SEPTIN11: variants seen among roughly 807,000 people sequenced by gnomAD.
SEPTIN11 encodes septin 11.
SEPTIN11 carries 25 observed loss-of-function variants against 51.4 expected under a neutral mutation model. The ratio of observed to expected loss-of-function variants is 0.49; its 90% CI spans 0.35 to 0.68. SEPTIN11 has a LOEUF of 0.68. Among genes scored for constraint, SEPTIN11 ranks in the 30% least tolerant of loss-of-function variants. The probability of loss-of-function intolerance (pLI) is 0.00; values close to 1 mark genes in which losing one functional copy is unlikely to be tolerated. For missense variants in SEPTIN11, 381 were observed against 520.8 expected (o/e 0.73, Z 2.61); for synonymous variants, 174 against 184.1 (o/e 0.95, Z 0.44).
chr4:76,986,512 C>T, intron 1 of SEPTIN11, among the ~76,000 whole-genome samples: 1 of 152,188 alleles, frequency 6.6e-6, no homozygotes, highest in East Asian at 1.9e-4. Flanking sequence ...TAATTCTTTA[C>T]AACAGCCCTG....
intron 2 of SEPTIN11, among the ~76,000 whole-genome samples, chr4:77,002,778 G>T (rs1171363257): frequency 9.1e-4 from 134 of 147,546 alleles, no homozygotes; most frequent in Middle Eastern, 3.4e-3. Flanking sequence ...TTTTTTTTTT[G>T]TAAGACTATT....
chr4:77,029,594 CA>C (rs1726446751), intron 8 of SEPTIN11, among the ~76,000 whole-genome samples: 1 of 152,066 alleles, frequency 6.6e-6, no homozygotes, highest in African/African-American at 2.4e-5. Flanking sequence ...CTTCAAGAAC[CA>C]AGGGGATGCT....
intron 1 of SEPTIN11, among the ~76,000 whole-genome samples, chr4:76,988,299 A>G (rs776750900): frequency 2.6e-5 from 4 of 152,186 alleles, no homozygotes; most frequent in Non-Finnish European, 4.4e-5. Flanking sequence ...TTTGATTGAC[A>G]TCTGTGTGCC....
At chr4:76,963,599 C>T (rs746798214) in intron 1 of SEPTIN11, among the ~76,000 whole-genome samples, 24 of 152,290 alleles carry the variant, frequency 1.6e-4, no homozygotes, top group South Asian at 2.1e-4. Flanking sequence ...CCATCACAGT[C>T]GTCAAATATG....
intron 5 of SEPTIN11, among the ~76,000 whole-genome samples, chr4:77,018,114 A>G (rs1725424017): frequency 6.6e-6 from 1 of 152,250 alleles, no homozygotes; most frequent in Non-Finnish European, 1.5e-5. Context: ...GTTGCAAAAT[A>G]TAATTTCAAC....
rs1463851669 is a variant in SEPTIN11 at position 76,995,916 on chromosome 4, G to A, written c.28-509G>A. The A allele has an allele frequency of 3.9e-6, 6 of 1,535,670 alleles. No individual in the cohort carries two copies. The South Asian group carries it at 7.1e-5, about 18-fold the overall frequency. On this transcript the variant is annotated intron_variant, in intron 1 of 9. Coordinates refer to ENST00000264893, the MANE Select transcript of SEPTIN11 (RefSeq NM_018243.4). ...AGGAAACCAGCTCATGTGCTGAGAA[G>A]TTTTAAATATGCTGCATTTATGGTA...
chr4:76,989,522 A>G (rs920568042), intron 1 of SEPTIN11, among the ~76,000 whole-genome samples: 2 of 152,226 alleles, frequency 1.3e-5, no homozygotes, highest in African/African-American at 4.8e-5. Flanking sequence ...TTTTAAAAGT[A>G]AAGAAAAGGG....
At chr4:76,952,968 T>C (rs2109874524) in intron 1 of SEPTIN11, among the ~76,000 whole-genome samples, 1 of 152,348 alleles carries the variant, frequency 6.6e-6, no homozygotes, top group East Asian at 1.9e-4. Context: ...GCTGTGGTGT[T>C]CATCAGTTTA....
At chr4:77,016,727 G>A (rs190252901) in intron 5 of SEPTIN11, among the ~76,000 whole-genome samples, 1 of 143,468 alleles carries the variant, frequency 7.0e-6, no homozygotes, top group East Asian at 2.0e-4. Context: ...GAAGGCCGAG[G>A]AGGGAGGATC....
downstream of SEPTIN11, chr4:77,039,590 G>A: frequency 9.1e-6 from 9 of 985,176 alleles, no homozygotes; most frequent in Non-Finnish European, 1.1e-5. Context: ...CATAAGATCC[G>A]AGCAACATTT....
intron 1 of SEPTIN11, among the ~76,000 whole-genome samples, chr4:76,954,112 T>G (rs1164663172): frequency 6.6e-6 from 1 of 152,252 alleles, no homozygotes; most frequent in Non-Finnish European, 1.5e-5. Flanking sequence ...TGTGGGACTC[T>G]GCTGTTTCCT....
At chr4:77,016,633 C>CATATATATATATATATATGT (rs1725293000) in intron 5 of SEPTIN11, among the ~76,000 whole-genome samples, 1 of 72,746 alleles carries the variant, frequency 1.4e-5, no homozygotes, top group Non-Finnish European at 2.7e-5. Context: ...TATATATACA[C>CATATATATATATATATATGT]ATATATATAT....
chr4:76,960,239 CT>C (rs1336580724), intron 1 of SEPTIN11, among the ~76,000 whole-genome samples: 1 of 152,134 alleles, frequency 6.6e-6, no homozygotes, highest in Admixed American at 6.6e-5. Flanking sequence ...GTACTTTGGC[CT>C]GATAATTTGA....
At position 77,011,805 on chromosome 4, in the gene SEPTIN11, CG is replaced by C; in HGVS notation, c.410del (p.Arg137LeufsTer25). The C allele has an allele frequency of 6.2e-7, 1 of 1,614,056 alleles. No individual in the cohort carries two copies. Among genetic ancestry groups the C allele is most frequent in the Non-Finnish European group, 8.5e-7 (1 of 1,179,946 alleles). On this transcript the variant is annotated frameshift_variant, in exon 4 of 10. Transcript: ENST00000264893. LOFTEE classifies it high-confidence loss of function. The stretch of plus-strand genomic sequence containing the variant: ...CCTGCAAGAGGAATTGAAGATTAAA[CG>C]TTCTCTCTTCAACTACCATGACACG... ...AYLQEELKIK[R>X]SLFNYHDTRI... is the part of the protein sequence containing the mutation.
chr4:77,007,487 C>G (rs1724565541), intron 3 of SEPTIN11, among the ~76,000 whole-genome samples: 1 of 152,168 alleles, frequency 6.6e-6, no homozygotes, highest in Non-Finnish European at 1.5e-5. Context: ...TCAATTTTTG[C>G]CTCTCCCCTA....
intron 1 of SEPTIN11, among the ~76,000 whole-genome samples, chr4:76,969,422 T>C (rs1722154662): frequency 6.6e-6 from 1 of 152,182 alleles, no homozygotes; most frequent in African/African-American, 2.4e-5. Context: ...CATTTTAGCA[T>C]TTTGGAGATT....
At chr4:77,039,410 G>C, downstream of SEPTIN11, 1 of 1,045,778 alleles carries the variant, frequency 9.6e-7, no homozygotes, top group South Asian at 3.3e-5. Flanking sequence ...GAACTATCAT[G>C]TTCTTGAAGC....
chr4:77,005,706 G>C lies in SEPTIN11; in HGVS notation c.248G>C (p.Arg83Thr). 6.2e-7 allele frequency: 1 copy of C among 1,614,080 alleles called. No individual in the cohort carries two copies. The highest frequency in any genetic ancestry group is 1.7e-4 in the Middle Eastern group (1 of 6,060). ...GAACCAGGTGTTCGGTTAAAAGCCA[G>C]AAGTTATGAGCTTCAGGAAAGCAAT... ...HNEPGVRLKARSYELQESNVR... is the reference protein window; with the variant it reads ...HNEPGVRLKATSYELQESNVR... The change falls in exon 3 of 10, where the codon AGA (arginine) becomes ACA (threonine). Residue 83 changes from arginine (R) to threonine (T), a missense_variant. Coordinates refer to ENST00000264893, the MANE Select transcript of SEPTIN11 (RefSeq NM_018243.4).
chr4:76,978,163 T>G (rs1166067498), intron 1 of SEPTIN11, among the ~76,000 whole-genome samples: 1 of 152,124 alleles, frequency 6.6e-6, no homozygotes, highest in Non-Finnish European at 1.5e-5. Context: ...ACTCTCTGGG[T>G]TAGACTTACT....
Sources: allele counts gnomAD v4.1 joint callset (sites outside exome capture counted in the v4.1 genomes callset), GRCh38; gene constraint gnomAD v4.1.1; transcripts MANE v1.5; gene names NCBI Gene and HGNC (gene_info 2026-07-23, HGNC 2026-07-21).